CD1B: variants seen among roughly 807,000 people sequenced by gnomAD.
CD1B encodes CD1b molecule.
Under a neutral mutation model 39.8 loss-of-function variants are expected in CD1B, and 43 were observed. That is an observed-to-expected ratio of 1.08 (90% CI 0.85 to 1.39). The LOEUF (loss-of-function observed/expected upper bound fraction) is 1.39, where lower values mean the gene tolerates loss of function less well. Among genes scored for constraint, CD1B ranks in the 40% most tolerant of loss-of-function variants. CD1B has a pLI of 0.00. For missense variants in CD1B, 495 were observed against 403.8 expected (o/e 1.23, Z -1.94); for synonymous variants, 192 against 152.5 (o/e 1.26, Z -1.91).
the CD1B span, among the ~76,000 whole-genome samples, chr1:158,300,932 G>C: frequency 5.7e-3 from 867 of 151,364 alleles, 12 homozygotes; most frequent in African/African-American, 0.02. Context: ...CTAATTTTTT[G>C]TATTTTTAAT....
the CD1B span, among the ~76,000 whole-genome samples, chr1:158,320,143 C>G: frequency 2.0e-5 from 3 of 152,328 alleles, no homozygotes; most frequent in South Asian, 6.2e-4. Flanking sequence ...GAGGTGGAGC[C>G]TACAGAGGCA....
the CD1B span, among the ~76,000 whole-genome samples, chr1:158,310,795 T>G: frequency 6.6e-6 from 1 of 151,994 alleles, no homozygotes; most frequent in African/African-American, 2.4e-5. Context: ...TGGCTATTAT[T>G]AAAATGTCAA....
the CD1B span, among the ~76,000 whole-genome samples, chr1:158,289,240 A>C: frequency 6.6e-6 from 1 of 152,242 alleles, no homozygotes; most frequent in African/African-American, 2.4e-5. Flanking sequence ...CTTTGATAGA[A>C]GAGATTACAT....
Position 158,329,383 on chromosome 1 carries a change from G to C in CD1B, c.873C>G (p.Ile291Met). The C allele has an allele frequency of 4.3e-6, 7 of 1,613,612 alleles. No individual in the cohort carries two copies. The highest frequency in any genetic ancestry group is 5.9e-6 in the Non-Finnish European group (7 of 1,179,676). The change falls in exon 4 of 6, where the codon ATC (isoleucine) becomes ATG (methionine). Residue 291 changes from isoleucine (I) to methionine (M), a missense_variant. Physicochemically the swap from Ile to Met is conservative, Grantham distance 10. Transcript: ENST00000368168. ...VKHSSLEGQDIILYWRNPTSI... is the reference protein window; with the variant it reads ...VKHSSLEGQDMILYWRNPTSI... ...GCTATTTCTTACTCCAGTAGAGGAT[G>C]ATGTCCTGGCCCTCTAAACTGCTGT...
chr1:158,302,209 C>T, the CD1B span, among the ~76,000 whole-genome samples: 5 of 152,014 alleles, frequency 3.3e-5, no homozygotes, highest in African/African-American at 7.2e-5. Flanking sequence ...GGGTAAACAA[C>T]GAAGTCAGAA....
downstream of CD1B, among the ~76,000 whole-genome samples, chr1:158,323,314 CT>C (rs1652250631): frequency 1.3e-5 from 2 of 151,266 alleles, no homozygotes; most frequent in African/African-American, 4.9e-5. Flanking sequence ...TTAATTGTAT[CT>C]TTTAGCTCTA....
At chr1:158,285,986 G>T in the CD1B span, among the ~76,000 whole-genome samples, 1 of 152,224 alleles carries the variant, frequency 6.6e-6, no homozygotes, top group Non-Finnish European at 1.5e-5. Context: ...GAGCTGTGTG[G>T]GGTGGGAACA....
the CD1B span, among the ~76,000 whole-genome samples, chr1:158,309,011 C>A: frequency 6.6e-6 from 1 of 152,110 alleles, no homozygotes; most frequent in Non-Finnish European, 1.5e-5. Context: ...AGCTTCTGCA[C>A]AGCAAAAGAA....
the CD1B span, among the ~76,000 whole-genome samples, chr1:158,318,314 C>T: frequency 6.6e-6 from 1 of 152,140 alleles, no homozygotes; most frequent in African/African-American, 2.4e-5. Flanking sequence ...CTTTGTAGGT[C>T]ACTCAGGACT....
downstream of CD1B, among the ~76,000 whole-genome samples, chr1:158,326,527 A>G (rs1279291726): frequency 1.3e-5 from 2 of 152,186 alleles, no homozygotes; most frequent in Admixed American, 6.5e-5. Context: ...AAAACAATTC[A>G]TGAGACAATT....
At chr1:158,288,140 T>A in the CD1B span, among the ~76,000 whole-genome samples, 2 of 152,236 alleles carry the variant, frequency 1.3e-5, no homozygotes, top group Non-Finnish European at 2.9e-5. Context: ...CAGCACAAGA[T>A]GAGCAAAGAT....
intron 5 of CD1B, 90 bp from the exon 6 acceptor site, chr1:158,328,347 G>A: frequency 3.8e-6 from 4 of 1,053,226 alleles, no homozygotes; most frequent in East Asian, 2.5e-5. Flanking sequence ...AGTTAAAAGT[G>A]AAAGCAACCC....
downstream of CD1B, among the ~76,000 whole-genome samples, chr1:158,326,224 G>T (rs993436608): frequency 6.6e-6 from 1 of 151,996 alleles, no homozygotes; most frequent in Non-Finnish European, 1.5e-5. Flanking sequence ...CGCCCGCCTC[G>T]GCCTCCCAAA....
the CD1B span, among the ~76,000 whole-genome samples, chr1:158,318,960 ATTCTT>A: frequency 2.0e-5 from 3 of 152,068 alleles, no homozygotes; most frequent in Admixed American, 6.6e-5. Flanking sequence ...TGGGTTGAAA[ATTCTT>A]TTCTTTAAGA....
At chr1:158,316,822 A>G in the CD1B span, among the ~76,000 whole-genome samples, 2 of 151,850 alleles carry the variant, frequency 1.3e-5, no homozygotes, top group Admixed American at 6.6e-5. Context: ...ATTATTTTGA[A>G]ATACGTCCCA....
the CD1B span, among the ~76,000 whole-genome samples, chr1:158,319,511 C>A: frequency 2.2e-3 from 338 of 152,308 alleles, 1 homozygote; most frequent in African/African-American, 7.9e-3. Flanking sequence ...GTTGTCAGCT[C>A]CATCACTCCT....
the CD1B span, chr1:158,291,965 C>A: frequency 1.0e-6 from 1 of 959,780 alleles, no homozygotes; most frequent in Non-Finnish European, 1.6e-6. Context: ...ATGTCTTTGG[C>A]TCACTCTCAC....
chr1:158,316,529 G>T, the CD1B span, among the ~76,000 whole-genome samples: 2 of 151,920 alleles, frequency 1.3e-5, no homozygotes, highest in Admixed American at 1.3e-4. Context: ...TTTTGCTGAA[G>T]TTGCTTATCT....
At chr1:158,313,484 T>C in the CD1B span, among the ~76,000 whole-genome samples, 1 of 152,144 alleles carries the variant, frequency 6.6e-6, no homozygotes, top group Non-Finnish European at 1.5e-5. Context: ...CTAATATTTG[T>C]ACTTTTTTTA....
Sources: gnomAD v4.1 joint callset for allele counts (sites outside exome capture counted in the v4.1 genomes callset) on GRCh38, gnomAD v4.1.1 for gene constraint, MANE v1.5 for transcripts, NCBI Gene and HGNC (gene_info 2026-07-23, HGNC 2026-07-21) for gene names.